Variants in RAP1GDS1 observed in about 807,000 individuals in gnomAD.
RAP1GDS1 encodes RAP1, GTP-GDP dissociation stimulator 1.
In RAP1GDS1, 35 loss-of-function variants were observed where a neutral mutation model predicts 71.1. That is an observed-to-expected ratio of 0.49 (90% CI 0.38 to 0.65). The LOEUF (loss-of-function observed/expected upper bound fraction) is 0.65, where lower values mean the gene tolerates loss of function less well. Ranked by LOEUF, RAP1GDS1 falls within the 30% of genes least tolerant of loss-of-function variation. The pLI, the probability that RAP1GDS1 is intolerant of heterozygous loss-of-function variation, is 0.00. For missense variants in RAP1GDS1, 663 were observed against 706.1 expected (o/e 0.94, Z 0.69); for synonymous variants, 229 against 243.1 (o/e 0.94, Z 0.54).
chr4:98,276,005 C>CAG (rs1724142948), intron 1 of RAP1GDS1, among the ~76,000 whole-genome samples: 1 of 152,114 alleles, frequency 6.6e-6, no homozygotes, highest in South Asian at 2.1e-4. Context: ...GCTGCTGTAA[C>CAG]AGAATACTAT....
chr4:98,386,476 G>A (rs1742775980), intron 5 of RAP1GDS1, among the ~76,000 whole-genome samples: 1 of 151,402 alleles, frequency 6.6e-6, no homozygotes, highest in Non-Finnish European at 1.5e-5. Context: ...AAGAACCTTA[G>A]AATTATCTTT....
At chr4:98,313,068 C>CAAAAAAA (rs556945198) in intron 2 of RAP1GDS1, among the ~76,000 whole-genome samples, 5 of 38,174 alleles carry the variant, frequency 1.3e-4, no homozygotes, top group Non-Finnish European at 1.7e-4. Flanking sequence ...GACTCTGTCT[C>CAAAAAAA]AAAAAAAAAA....
At chr4:98,342,835 G>A (rs1735683521) in intron 2 of RAP1GDS1, among the ~76,000 whole-genome samples, 1 of 152,100 alleles carries the variant, frequency 6.6e-6, no homozygotes, top group South Asian at 2.1e-4. Context: ...AATAGACAGG[G>A]TTAGAACTAA....
chr4:98,280,579 A>G lies in RAP1GDS1; in HGVS notation c.5-12829A>G, dbSNP rs567152165. ...TAGGTTGCCTGTTCACTCTGATGGT[A>G]GTTTCTTTTGCTTTGCTGAAGCTCT... On this transcript the variant is annotated intron_variant, in intron 1 of 14. Transcript: ENST00000408927. Among the ~76,000 whole-genome samples, 21 of 152,184 alleles carry G rather than the reference A, an allele frequency of 1.4e-4. No individual in the cohort carries two copies. The South Asian group carries it at 3.7e-3, about 27-fold the overall frequency.
In RAP1GDS1 at chr4:98,441,804, T is replaced by C. The variant is rs570962080; in HGVS notation, c.1697-186T>C. On this transcript the variant is annotated intron_variant, in intron 14 of 14. Transcript: ENST00000408927. ...CTTTAATTTAAAAAAAAGTAAAGTT[T>C]TTATGATTTTTTTAAATTATAATAC... The C allele has an allele frequency of 2.2e-4, 124 of 557,752 alleles. No individual in the cohort carries two copies. In the African/African-American group the frequency reaches 2.4e-3, roughly 11 times the overall value. 34.6% of individuals were successfully genotyped at this position (557,752 alleles called of 1,614,324 possible). A position where few individuals can be genotyped will look rare whatever the true frequency, so the allele number is the denominator to read the frequency against.
At chr4:98,262,786 A>G (rs1020339767) in intron 1 of RAP1GDS1, among the ~76,000 whole-genome samples, 1 of 152,214 alleles carries the variant, frequency 6.6e-6, no homozygotes, top group Admixed American at 6.5e-5. Context: ...TTCAAGAAGT[A>G]TCTAAACCTG....
chr4:98,316,882 G>A (rs769861344), intron 2 of RAP1GDS1, among the ~76,000 whole-genome samples: 3 of 152,036 alleles, frequency 2.0e-5, no homozygotes, highest in Admixed American at 6.6e-5. Flanking sequence ...CAAAGGGTAC[G>A]GTAAAAAGTG....
Position 98,343,239 on chromosome 4 carries a change from C to T in RAP1GDS1, c.213C>T (p.Ile71=). The change falls in exon 3 of 15, where the codon ATC becomes ATT. Residue 71 remains isoleucine, a synonymous_variant. Transcript: ENST00000408927. The stretch of plus-strand genomic sequence containing the variant: ...CCTGCAAAGCCAAAGTAGCTAACAT[C>T]ATAGCAGAAGTAGCCAAAAATGGTG... The part of the protein sequence containing the change: ...QSSCKAKVAN[I]IAEVAKNEFM... 1.2e-6 allele frequency: 2 copies of T among 1,605,904 alleles called. No homozygotes were observed. The highest frequency in any genetic ancestry group is 1.7e-6 in the Non-Finnish European group (2 of 1,172,586).
At chr4:98,390,941 A>G (rs1436021805) in intron 5 of RAP1GDS1, among the ~76,000 whole-genome samples, 1 of 152,140 alleles carries the variant, frequency 6.6e-6, no homozygotes, top group Admixed American at 6.6e-5. Context: ...AAATAACTTA[A>G]AAGAATTTGG....
chr4:98,345,752 C>T (rs1254298172), intron 3 of RAP1GDS1, among the ~76,000 whole-genome samples: 4 of 152,230 alleles, frequency 2.6e-5, no homozygotes, highest in Non-Finnish European at 4.4e-5. Context: ...AAATATCTTA[C>T]CTGTCATCAC....
intron 1 of RAP1GDS1, among the ~76,000 whole-genome samples, chr4:98,279,600 A>G (rs982797110): frequency 2.0e-5 from 3 of 152,020 alleles, no homozygotes; most frequent in Non-Finnish European, 4.4e-5. Flanking sequence ...TTGACATTAT[A>G]AAATATTTTC....
intron 2 of RAP1GDS1, among the ~76,000 whole-genome samples, chr4:98,337,947 T>G (rs1367037971): frequency 6.6e-6 from 1 of 152,114 alleles, no homozygotes; most frequent in Admixed American, 6.5e-5. Context: ...TTTAAAGGAA[T>G]GACATAAACT....
chr4:98,308,654 A>G (rs578037683), intron 2 of RAP1GDS1, among the ~76,000 whole-genome samples: 1 of 152,190 alleles, frequency 6.6e-6, no homozygotes, highest in East Asian at 1.9e-4. Context: ...AGGAAAATAC[A>G]ACAAAGTTTT....
At chr4:98,416,584 T>C (rs1226473435) in intron 7 of RAP1GDS1, among the ~76,000 whole-genome samples, 161 bp from the exon 8 acceptor site, 1 of 151,814 alleles carries the variant, frequency 6.6e-6, no homozygotes, top group African/African-American at 2.4e-5. Context: ...TCTCCTGACC[T>C]TGTGATCCGC....
At chr4:98,306,125 T>C (rs1017509090) in intron 2 of RAP1GDS1, among the ~76,000 whole-genome samples, 1 of 152,206 alleles carries the variant, frequency 6.6e-6, no homozygotes, top group Non-Finnish European at 1.5e-5. Context: ...TGTGGACATA[T>C]AATTGATTGA....
chr4:98,303,892 C>G (rs899472650), intron 2 of RAP1GDS1, among the ~76,000 whole-genome samples: 1 of 151,884 alleles, frequency 6.6e-6, no homozygotes, highest in Non-Finnish European at 1.5e-5. Context: ...TGTGGTGTTC[C>G]CCTTCCTGTG....
intron 6 of RAP1GDS1, among the ~76,000 whole-genome samples, chr4:98,401,771 T>G (rs1323648357): frequency 6.6e-6 from 1 of 152,168 alleles, no homozygotes; most frequent in African/African-American, 2.4e-5. Flanking sequence ...GTTCTATAAT[T>G]CCTATATTAA....
At chr4:98,306,288 G>A (rs911819132) in intron 2 of RAP1GDS1, among the ~76,000 whole-genome samples, 1 of 152,182 alleles carries the variant, frequency 6.6e-6, no homozygotes, top group Admixed American at 6.5e-5. Flanking sequence ...AGATCAAGGT[G>A]CTGGTAGGTT....
At chr4:98,396,678 G>A (rs1396220373) in intron 6 of RAP1GDS1, 1 of 152,214 alleles carries the variant, frequency 6.6e-6, no homozygotes, top group Non-Finnish European at 1.5e-5. Context: ...TTATGCCCAT[G>A]TAATAGCTAG....
Sources: allele counts gnomAD v4.1 joint callset (sites outside exome capture counted in the v4.1 genomes callset), GRCh38; gene constraint gnomAD v4.1.1; transcripts MANE v1.5; gene names NCBI Gene and HGNC (gene_info 2026-07-23, HGNC 2026-07-21).